Variants in ITGAE observed in about 807,000 individuals in gnomAD.
The protein encoded by ITGAE is integrin subunit alpha E, also known as integrin alpha-E.
Under a neutral mutation model 136.5 loss-of-function variants are expected in ITGAE, and 99 were observed. The ratio of observed to expected loss-of-function variants is 0.73; its 90% CI spans 0.62 to 0.86. The LOEUF (loss-of-function observed/expected upper bound fraction) is 0.86, where lower values mean the gene tolerates loss of function less well. Among genes scored for constraint, ITGAE ranks in the 40% least tolerant of loss-of-function variants. The pLI, the probability that ITGAE is intolerant of heterozygous loss-of-function variation, is 0.00. For missense variants in ITGAE, 1,447 were observed against 1,515.3 expected, an observed-to-expected ratio of 0.95 and a Z score of 0.75; for synonymous variants, 613 against 591.8, an observed-to-expected ratio of 1.04 and a Z score of -0.52.
At chr17:3,723,483 G>T in intron 27 of ITGAE, 100 bp from the exon 28 acceptor site, 1 of 1,029,610 alleles carries the variant, frequency 9.7e-7, no homozygotes, top group Non-Finnish European at 1.5e-6. Flanking sequence ...TCCCAGAATA[G>T]AGGGTGTGAG....
At chr17:3,724,788 G>A (rs752049306) in intron 26 of ITGAE, 1 of 1,614,200 alleles carries the variant, frequency 6.2e-7, no homozygotes, top group Admixed American at 1.7e-5. Flanking sequence ...AGAGGGTCCA[G>A]GTCTGTCAAG....
intron 30 of ITGAE, 37 bp downstream of exon 30, chr17:3,716,651 A>C (rs1187768754): frequency 8.1e-7 from 1 of 1,232,788 alleles, no homozygotes; most frequent in Non-Finnish European, 1.2e-6. Flanking sequence ...ACTAGAGCCC[A>C]GTCTTCCCTC....
Position 3,761,122 on chromosome 17 carries a change from TTTG to T in ITGAE, c.486_488del (p.Asn162del). The T allele has an allele frequency of 6.2e-7, 1 of 1,613,366 alleles. No homozygotes were observed. Among genetic ancestry groups the T allele is most frequent in the Non-Finnish European group, 8.5e-7 (1 of 1,180,030 alleles). Reference sequence around the variant, plus strand: ...TCACATCGTCTTCTCCACCGCCTTCTTTGTTGCTGTAGCAGTCTCCAGTGTCCA... The same window carrying T: ...TCACATCGTCTTCTCCACCGCCTTCTTTGCTGTAGCAGTCTCCAGTGTCCA... On this transcript the variant is annotated inframe_deletion, in exon 6 of 31. Transcript: ENST00000263087.
At chr17:3,789,190 T>G (rs989956325) in intron 1 of ITGAE, among the ~76,000 whole-genome samples, 6 of 152,030 alleles carry the variant, frequency 3.9e-5, no homozygotes, top group African/African-American at 1.5e-4. Context: ...GAGGCTGCAG[T>G]GAGCCTTGAT....
intron 18 of ITGAE, 65 bp from the exon 19 acceptor site, chr17:3,743,682 G>GTT: frequency 2.0e-5 from 19 of 938,648 alleles, no homozygotes; most frequent in African/African-American, 5.3e-5. Flanking sequence ...CAACAATAAT[G>GTT]CTTTTTTTCT....
Position 3,782,339 on chromosome 17 carries a change from T to C in ITGAE, c.35-4679A>G, listed in dbSNP as rs1453871614. ...CATGCCACTCCATTGCTTAAATCTC[T>C]AGTGTGTGTGTGTGTGTGTGTGTGT... On this transcript the variant is annotated intron_variant, in intron 1 of 30. Transcript: ENST00000263087. Among the ~76,000 whole-genome samples the C allele has an allele frequency of 4.4e-5, 5 of 112,496 alleles. No homozygotes were observed. In the East Asian group the frequency reaches 1.5e-3, roughly 34 times the overall value. The allele number at this position is 112,496 out of a possible 152,430, so 73.8% of individuals were successfully genotyped here.
intron 26 of ITGAE, chr17:3,725,784 A>T: frequency 6.2e-7 from 1 of 1,603,942 alleles, no homozygotes; most frequent in Non-Finnish European, 8.5e-7. Flanking sequence ...GCAAATGCGA[A>T]CCAAGTTGTC....
chr17:3,718,750 C>G (rs1362135750), intron 29 of ITGAE, among the ~76,000 whole-genome samples: 1 of 152,186 alleles, frequency 6.6e-6, no homozygotes, highest in Non-Finnish European at 1.5e-5. Context: ...ATAGTAACTC[C>G]TCCCTGCTGG....
intron 20 of ITGAE, among the ~76,000 whole-genome samples, chr17:3,738,570 G>T (rs560701114): frequency 6.6e-6 from 1 of 152,340 alleles, no homozygotes; most frequent in South Asian, 2.1e-4. Flanking sequence ...CGTCTGCAGC[G>T]ATGGAGACAG....
At chr17:3,794,943 G>A (rs1156272076) in intron 1 of ITGAE, among the ~76,000 whole-genome samples, 3 of 152,102 alleles carry the variant, frequency 2.0e-5, no homozygotes, top group African/African-American at 2.4e-5. Context: ...CGCTCTGCCC[G>A]GCGCACCCTC....
chr17:3,726,012 T>C, intron 26 of ITGAE: 9 of 1,614,062 alleles, frequency 5.6e-6, no homozygotes, highest in Non-Finnish European at 7.6e-6. Flanking sequence ...CCTGTCGCGC[T>C]TGGAACGGGA....
chr17:3,716,859 CAT>C (rs1360303958), intron 29 of ITGAE, 61 bp from the exon 30 acceptor site: 61 of 959,010 alleles, frequency 6.4e-5, no homozygotes, highest in Non-Finnish European at 9.2e-5. Flanking sequence ...AAAAATCCTA[CAT>C]GTTATTTTAA....
intron 4 of ITGAE, 125 bp downstream of exon 4, chr17:3,761,790 A>T: frequency 1.2e-6 from 1 of 857,370 alleles, no homozygotes; most frequent in Non-Finnish European, 1.9e-6. Context: ...GGTTGGCACC[A>T]GGGAGACGCT....
In ITGAE at chr17:3,795,674, G is replaced by A. The variant is rs369907565; in HGVS notation, c.34+5437C>T. Among the ~76,000 whole-genome samples the A allele has an allele frequency of 9.8e-4, 150 of 152,360 alleles. No individual in the cohort carries two copies. The Middle Eastern group carries it at 0.014, about 14-fold the overall frequency. ...AAGCTGGGCACTGCTCCTGCCGTGC[G>A]GCGGCTCACTGAGCTGGAGCAGGGC... On this transcript the variant is annotated intron_variant, in intron 1 of 30. Coordinates refer to ENST00000263087, the MANE Select transcript of ITGAE (RefSeq NM_002208.5).
intron 2 of ITGAE, among the ~76,000 whole-genome samples, chr17:3,764,811 C>A (rs1048717839): frequency 6.6e-6 from 1 of 152,210 alleles, no homozygotes; most frequent in Non-Finnish European, 1.5e-5. Context: ...CCCACCCAGG[C>A]CCAGTCCAGG....
intron 2 of ITGAE, among the ~76,000 whole-genome samples, chr17:3,771,109 G>A (rs998968645): frequency 5.4e-4 from 76 of 139,918 alleles, no homozygotes; most frequent in Non-Finnish European, 2.0e-4. Context: ...AAAAAAAAAA[G>A]AACATTCATC....
rs1219129111 is a variant in ITGAE, at chr17:3,755,086, C to CCCCGCCCTCATCAGGTGGA, written c.1384+30_1384+31insTCCACCTGATGAGGGCGGG. ...TCCAGGCCCCGCCCTCATCAGGTGG[C>CCCCGCCCTCATCAGGTGGA]CCCGCCCTCATCAGGTGGCCCCGCC... is the stretch of plus-strand genomic sequence containing the variant. On this transcript the variant is annotated intron_variant, in intron 12 of 30. Transcript: ENST00000263087. 2.6e-6 allele frequency: 4 copies of CCCCGCCCTCATCAGGTGGA among 1,563,036 alleles called. No individual in the cohort carries two copies. The African/African-American group carries it at 5.4e-5, about 21-fold the overall frequency.
At position 3,720,379 on chromosome 17, in the gene ITGAE, C is replaced by A; in HGVS notation, c.3261G>T (p.Leu1087=). The A allele has an allele frequency of 6.4e-7, 1 of 1,560,400 alleles. No homozygotes were observed. The highest frequency in any genetic ancestry group is 8.8e-7 in the Non-Finnish European group (1 of 1,131,188). Residue 1087 remains leucine (L), a synonymous_variant, in exon 29 of 31, where the codon CTG becomes CTT. Coordinates refer to ENST00000263087, the MANE Select transcript of ITGAE (RefSeq NM_002208.5). ...TGAAAGATATTTCACCAAGGATCTGCAGTTCAGTTACATCTTTTAGTAACT... is the reference window on the plus strand; with the variant it reads ...TGAAAGATATTTCACCAAGGATCTGAAGTTCAGTTACATCTTTTAGTAACT... ...SEELLKDVTE[L]QILGEISFNK...
intron 2 of ITGAE, among the ~76,000 whole-genome samples, chr17:3,765,273 C>T (rs1311295577): frequency 1.4e-5 from 2 of 138,942 alleles, no homozygotes; most frequent in African/African-American, 5.5e-5. Context: ...GGTGTGAACC[C>T]AGGAGGCAGA....
Sources: gnomAD v4.1 joint callset for allele counts (sites outside exome capture counted in the v4.1 genomes callset) on GRCh38, gnomAD v4.1.1 for gene constraint, MANE v1.5 for transcripts, NCBI Gene and HGNC (gene_info 2026-07-23, HGNC 2026-07-21) for gene names.